MPC1: variants seen among roughly 807,000 people sequenced by gnomAD.
The protein encoded by MPC1 is mitochondrial pyruvate carrier 1.
In MPC1, 6 loss-of-function variants were observed where a neutral mutation model predicts 13.9. The observed-to-expected ratio is 0.43, with a 90% confidence interval of 0.24 to 0.85. The LOEUF (loss-of-function observed/expected upper bound fraction) is 0.85, where lower values mean the gene tolerates loss of function less well. Ranked by LOEUF, MPC1 falls within the 40% of genes least tolerant of loss-of-function variation. The pLI is 0.24. For missense variants in MPC1, 115 were observed against 143.3 expected, an observed-to-expected ratio of 0.80 and a Z score of 1.01; for synonymous variants, 47 against 50.5, an observed-to-expected ratio of 0.93 and a Z score of 0.29.
chr6:166,371,304 T>TTGAA (rs932284832), intron 1 of MPC1, among the ~76,000 whole-genome samples: 3 of 152,212 alleles, frequency 2.0e-5, no homozygotes, highest in Non-Finnish European at 2.9e-5. Context: ...AAAATATTTA[T>TTGAA]TGAATGAATG....
intron 1 of MPC1, among the ~76,000 whole-genome samples, chr6:166,380,916 G>T (rs1279538139): frequency 8.1e-6 from 1 of 123,746 alleles, no homozygotes; most frequent in African/African-American, 3.1e-5. Flanking sequence ...TCCAGCCTGG[G>T]CAACAAGAGA....
intron 1 of MPC1, among the ~76,000 whole-genome samples, chr6:166,382,382 G>C (rs1050593370): frequency 6.6e-6 from 1 of 151,124 alleles, no homozygotes; most frequent in African/African-American, 2.4e-5. Flanking sequence ...TTGGCCAGGA[G>C]GGACGCCCAC....
At chr6:166,376,155 CGTGT>C (rs74273802) in intron 1 of MPC1, among the ~76,000 whole-genome samples, 32 of 151,078 alleles carry the variant, frequency 2.1e-4, no homozygotes, top group African/African-American at 5.8e-4. Context: ...TATACACATA[CGTGT>C]GTGTGTGTGT....
At chr6:166,380,545 G>C (rs981603736) in intron 1 of MPC1, among the ~76,000 whole-genome samples, 2 of 152,198 alleles carry the variant, frequency 1.3e-5, no homozygotes, top group African/African-American at 4.8e-5. Flanking sequence ...CTATTGAAAA[G>C]CCTGGCTCTT....
intron 2 of MPC1, 134 bp from the exon 3 acceptor site, chr6:166,367,025 T>C: frequency 3.9e-6 from 6 of 1,528,648 alleles, no homozygotes; most frequent in Non-Finnish European, 5.3e-6. Context: ...CTTGCAGGTT[T>C]ACTGGGTTAA....
At chr6:166,381,489 T>G (rs1779780359) in intron 1 of MPC1, among the ~76,000 whole-genome samples, 1 of 152,142 alleles carries the variant, frequency 6.6e-6, no homozygotes, top group South Asian at 2.1e-4. Flanking sequence ...TCAGCTTTCA[T>G]CTCTTTACCT....
chr6:166,379,815 T>A (rs956549259), intron 1 of MPC1, among the ~76,000 whole-genome samples: 2 of 152,236 alleles, frequency 1.3e-5, no homozygotes, highest in South Asian at 2.1e-4. Flanking sequence ...CTTTATATTT[T>A]ATTCTCCTTT....
intron 1 of MPC1, among the ~76,000 whole-genome samples, 172 bp downstream of exon 1, chr6:166,382,634 G>T (rs1049763930): frequency 1.3e-5 from 2 of 152,198 alleles, no homozygotes; most frequent in Admixed American, 1.3e-4. Flanking sequence ...TGGCGGTCCG[G>T]GAGGGATCCG....
At chr6:166,371,248 T>C (rs908696598) in intron 1 of MPC1, among the ~76,000 whole-genome samples, 38 of 152,244 alleles carry the variant, frequency 2.5e-4, no homozygotes, top group Admixed American at 2.1e-3. Flanking sequence ...TTTTTGTTAC[T>C]ACTGGACTAC....
intron 1 of MPC1, among the ~76,000 whole-genome samples, chr6:166,379,204 T>C (rs935199037): frequency 2.0e-5 from 3 of 152,080 alleles, no homozygotes; most frequent in African/African-American, 4.8e-5. Flanking sequence ...TTAAAATACA[T>C]GTGGATGGGC....
intron 2 of MPC1, 160 bp downstream of exon 2, chr6:166,370,057 TC>T (rs1779317225): frequency 1.4e-6 from 1 of 726,504 alleles, no homozygotes; most frequent in South Asian, 1.5e-5. Flanking sequence ...GTGTCTAGGC[TC>T]CCCAGGACAG....
At position 166,365,417 on chromosome 6, in the gene MPC1, C is replaced by T. The variant is rs1779112143; in HGVS notation, c.*12G>A. 5 of 1,566,658 alleles carry T rather than the reference C, an allele frequency of 3.2e-6. No individual in the cohort carries two copies. Among genetic ancestry groups the T allele is most frequent in the African/African-American group, 1.4e-5 (1 of 73,036 alleles). Reference sequence around the variant, plus strand: ...GCTGTCCCTTCAAGACCTTGTTCTTCCTTTTCCATTGTTATGCAGATGCCG... The same window carrying T: ...GCTGTCCCTTCAAGACCTTGTTCTTTCTTTTCCATTGTTATGCAGATGCCG... On this transcript the variant is annotated 3_prime_UTR_variant, in exon 5 of 5. Transcript: ENST00000360961. This position sits in a 1 kb window ranked among gnomAD's most constrained non-coding sequence, Gnocchi z 4.2.
Position 166,371,023 on chromosome 6 carries a change from G to A in MPC1, c.72-802C>T, listed in dbSNP as rs559675396. Among the ~76,000 whole-genome samples the A allele has an allele frequency of 3.9e-5, 6 of 152,032 alleles. No homozygotes were observed. The East Asian group carries it at 5.8e-4, about 15-fold the overall frequency. ...ACTCTAGTGTGTATTTTACACTTAC[G>A]GCACATCTCAGCTTGAACTAGTCAC... On this transcript the variant is annotated intron_variant, in intron 1 of 4. Coordinates refer to ENST00000360961, the MANE Select transcript of MPC1 (RefSeq NM_016098.4).
chr6:166,373,016 G>A (rs971431912), intron 1 of MPC1, among the ~76,000 whole-genome samples: 3 of 151,782 alleles, frequency 2.0e-5, no homozygotes, highest in Admixed American at 6.6e-5. Context: ...AAAAGTTTTA[G>A]GTTCACAGTA....
At chr6:166,373,191 T>A (rs1779443399) in intron 1 of MPC1, among the ~76,000 whole-genome samples, 1 of 152,208 alleles carries the variant, frequency 6.6e-6, no homozygotes, top group Non-Finnish European at 1.5e-5. Context: ...TAAGGTTCCC[T>A]GTTAGTGCTG....
chr6:166,370,236 G>C lies in MPC1; in HGVS notation c.72-15C>G. 1.3e-6 allele frequency: 1 copy of C among 774,524 alleles called. No homozygotes were observed. 48.0% of individuals were successfully genotyped at this position (774,524 alleles called of 1,614,324 possible). The stretch of plus-strand genomic sequence containing the variant: ...TTCTTACCGTACTATTTTGTGAAGA[G>C]TCACCGAAGTTCAGACAGGACAGAC... On this transcript the variant is annotated splice_polypyrimidine_tract_variant and intron_variant, in intron 1 of 4. Transcript: ENST00000360961.
intron 1 of MPC1, chr6:166,381,743 A>G: frequency 1.2e-6 from 1 of 842,626 alleles, no homozygotes; most frequent in Non-Finnish European, 1.4e-6. Flanking sequence ...GGAAAGGAGG[A>G]GTTAACAGAA....
intron 1 of MPC1, among the ~76,000 whole-genome samples, chr6:166,382,368 C>T (rs370189619): frequency 6.6e-6 from 1 of 151,502 alleles, no homozygotes; most frequent in East Asian, 1.9e-4. Flanking sequence ...TCCCCAGTGT[C>T]ACCTTGGCCA....
Position 166,365,995 on chromosome 6 carries a change from C to G in MPC1, c.284G>C (p.Gly95Ala). 1 of 1,613,868 alleles carries G rather than the reference C, an allele frequency of 6.2e-7. No individual in the cohort carries two copies. Among genetic ancestry groups the G allele is most frequent in the Non-Finnish European group, 8.5e-7 (1 of 1,179,788 alleles). The change falls in exon 4 of 5, where the codon GGA (glycine) becomes GCA (alanine). Residue 95 changes from glycine (G) to alanine (A), a missense_variant. By Grantham distance (60) the Gly-to-Ala change is moderately conservative. This residue lies in a region of MPC1 where 71 missense variants were observed against 88.5 expected (regional missense o/e 0.80). Coordinates refer to ENST00000360961, the MANE Select transcript of MPC1 (RefSeq NM_016098.4). The surrounding 1 kb of genome is among the most constrained non-coding windows in gnomAD (Gnocchi z 4.2). ...TTACTCGTGTTTGATAAGCCGCCCT[C>G]CCTGGATGAGCTGGGCTACTTCATT... ...ATNEVAQLIQ[G>A]GRLIKHEMTK...
Sources: gnomAD v4.1 joint callset for allele counts (sites outside exome capture counted in the v4.1 genomes callset) on GRCh38, gnomAD v4.1.1 for gene constraint, gnomAD v4.1.1 regional missense constraint, Gnocchi (gnomAD v3.1) non-coding constraint, MANE v1.5 for transcripts, NCBI Gene and HGNC (gene_info 2026-07-23, HGNC 2026-07-21) for gene names.